The following NELL2 variants were observed in gnomAD, a reference collection of about 807,000 sequenced individuals.
NELL2 encodes protein kinase C-binding protein NELL2.
In NELL2, 41 loss-of-function variants were observed where a neutral mutation model predicts 109.6. That is an observed-to-expected ratio of 0.37 (90% CI 0.29 to 0.49). The LOEUF is 0.49. Among genes scored for constraint, NELL2 ranks in the 20% least tolerant of loss-of-function variants. The probability of loss-of-function intolerance (pLI) is 0.98; values close to 1 mark genes in which losing one functional copy is unlikely to be tolerated. For synonymous variants in NELL2, 355 were observed against 344.7 expected (o/e 1.03, Z -0.33); for missense variants, 900 against 1,008.3 (o/e 0.89, Z 1.45).
chr12:44,898,442 G>A lies in NELL2; in HGVS notation c.38+15357C>T, dbSNP rs1258169790. Among the ~76,000 whole-genome samples the A allele has an allele frequency of 2.0e-5, 3 of 152,218 alleles. No individual in the cohort carries two copies. The East Asian group carries it at 5.8e-4, about 29-fold the overall frequency. On this transcript the variant is annotated intron_variant, in intron 1 of 20. Transcript: ENST00000333837. ...CAAACTCTGCTGTTCTGCAGACTCT[G>A]CTGATGATACCCAGGCAAACAGGAT...
intron 3 of NELL2, among the ~76,000 whole-genome samples, chr12:44,799,407 T>A (rs1326811191): frequency 6.6e-6 from 1 of 152,046 alleles, no homozygotes; most frequent in Non-Finnish European, 1.5e-5. Context: ...CTGCCTCTAG[T>A]CCCTGCTGCA....
intron 13 of NELL2, among the ~76,000 whole-genome samples, chr12:44,628,007 C>G (rs1417029107): frequency 6.6e-6 from 1 of 152,036 alleles, no homozygotes; most frequent in Non-Finnish European, 1.5e-5. Flanking sequence ...TAGTTTGGCA[C>G]CGTCAGCAAA....
At chr12:44,839,262 A>G (rs1029914562) in intron 2 of NELL2, among the ~76,000 whole-genome samples, 3 of 152,212 alleles carry the variant, frequency 2.0e-5, no homozygotes, top group Non-Finnish European at 4.4e-5. Flanking sequence ...TATAAAGAAA[A>G]TTAAGGCATT....
In NELL2 at chr12:44,620,109, C is replaced by T. The variant is rs190501737; in HGVS notation, c.1445-9139G>A. ...CTTTAGGTATTTTGTTATTCTTGTT[C>T]GCCTGGGTTTTGTTTTTTTTTTTTT... On this transcript the variant is annotated intron_variant, in intron 13 of 19. Transcript: ENST00000429094. Among the ~76,000 whole-genome samples, 190 of 143,924 alleles carry T rather than the reference C, an allele frequency of 1.3e-3. 1 individual carries two copies. The highest frequency in any genetic ancestry group is 4.3e-3 in the African/African-American group (158 of 37,176). 94.4% of individuals were successfully genotyped at this position (143,924 alleles called of 152,430 possible).
chr12:44,597,023 G>A (rs1944992517), intron 15 of NELL2, among the ~76,000 whole-genome samples: 1 of 152,146 alleles, frequency 6.6e-6, no homozygotes, highest in South Asian at 2.1e-4. Flanking sequence ...CCAGAGTGTG[G>A]AAATCTTAAG....
chr12:44,799,623 T>G (rs1055236436), intron 3 of NELL2, among the ~76,000 whole-genome samples: 2 of 152,132 alleles, frequency 1.3e-5, no homozygotes, highest in African/African-American at 4.8e-5. Context: ...TTCCACAGAA[T>G]ACAGATCAGT....
intron 13 of NELL2, among the ~76,000 whole-genome samples, chr12:44,611,726 G>A (rs1337306649): frequency 6.6e-6 from 1 of 151,998 alleles, no homozygotes. Context: ...GTGACTCAAC[G>A]GTGGCTCAGA....
rs1374832282 is a variant in NELL2, at chr12:44,508,533, C to G, written c.*401G>C. The G allele has an allele frequency of 6.1e-6, 1 of 162,768 alleles. No homozygotes were observed. The highest frequency in any genetic ancestry group is 1.3e-5 in the Non-Finnish European group (1 of 74,974). The allele number at this position is 162,768 out of a possible 1,614,324, so 10.1% of individuals were successfully genotyped here. ...TTCTGAAAATATAATTCATTCACTGCCTGACATTTTATTTCTTGCAGTGAG... is the reference window on the plus strand; with the variant it reads ...TTCTGAAAATATAATTCATTCACTGGCTGACATTTTATTTCTTGCAGTGAG... On this transcript the variant is annotated 3_prime_UTR_variant, in exon 20 of 20. Transcript: ENST00000429094.
At chr12:44,513,021 C>A (rs1941070327) in intron 19 of NELL2, among the ~76,000 whole-genome samples, 2 of 151,966 alleles carry the variant, frequency 1.3e-5, no homozygotes, top group Admixed American at 1.3e-4. Context: ...ACCCTAATTA[C>A]CCTGATCATT....
intron 2 of NELL2, among the ~76,000 whole-genome samples, chr12:44,828,648 G>A (rs955242619): frequency 6.6e-6 from 1 of 151,942 alleles, no homozygotes; most frequent in East Asian, 1.9e-4. Flanking sequence ...ACCAACAACT[G>A]TAATGGTTGA....
intron 12 of NELL2, among the ~76,000 whole-genome samples, chr12:44,693,408 G>A (rs1434066718): frequency 1.3e-5 from 2 of 152,116 alleles, no homozygotes; most frequent in South Asian, 4.1e-4. Flanking sequence ...TGCAATATTA[G>A]CTTTATTGCA....
At chr12:44,536,864 A>G (rs1021303868) in intron 15 of NELL2, among the ~76,000 whole-genome samples, 1 of 151,978 alleles carries the variant, frequency 6.6e-6, no homozygotes, top group African/African-American at 2.4e-5. Context: ...AACAACAGTC[A>G]TGAATAGCAG....
At position 44,889,705 on chromosome 12, in the gene NELL2, T is replaced by C. The variant is rs559621301; in HGVS notation, c.39-13805A>G. On this transcript the variant is annotated intron_variant, in intron 1 of 20. Coordinates refer to the NELL2 transcript ENST00000333837. ...TCTTCAGCCTGTAAACTTAAATCCA[T>C]AAACAATAAATATAGCAGTCATTAA... Among the ~76,000 whole-genome samples the C allele has an allele frequency of 1.4e-4, 21 of 150,832 alleles. 2 individuals carry two copies. Among genetic ancestry groups the C allele is most frequent in the African/African-American group, 4.5e-4 (18 of 40,204 alleles).
At chr12:44,614,774 G>A (rs1945758858) in intron 13 of NELL2, among the ~76,000 whole-genome samples, 1 of 152,008 alleles carries the variant, frequency 6.6e-6, no homozygotes, top group Non-Finnish European at 1.5e-5. Context: ...GAATGAATGT[G>A]CTACCTAGAA....
chr12:44,855,367 C>G (rs1235543823), intron 2 of NELL2, among the ~76,000 whole-genome samples: 1 of 152,204 alleles, frequency 6.6e-6, no homozygotes, highest in Non-Finnish European at 1.5e-5. Flanking sequence ...AACCACTGAT[C>G]ATCAAGCTGA....
chr12:44,572,147 ATTTG>A (rs1331275316), intron 15 of NELL2, among the ~76,000 whole-genome samples: 1 of 151,764 alleles, frequency 6.6e-6, no homozygotes, highest in Non-Finnish European at 1.5e-5. Flanking sequence ...AATGTTATTT[ATTTG>A]TTTATTTTTA....
upstream of NELL2, chr12:44,913,978 C>T: frequency 2.9e-6 from 1 of 349,748 alleles, no homozygotes; most frequent in African/African-American, 2.2e-5. Flanking sequence ...ATCCCACATC[C>T]AATTGCTCAG....
intron 9 of NELL2, among the ~76,000 whole-genome samples, chr12:44,767,986 G>C (rs1263968324): frequency 1.3e-5 from 2 of 152,144 alleles, no homozygotes; most frequent in Non-Finnish European, 2.9e-5. Flanking sequence ...AAGAAAGAAT[G>C]GTAGAGTTAA....
intron 9 of NELL2, among the ~76,000 whole-genome samples, chr12:44,753,497 G>A (rs1197211553): frequency 1.3e-5 from 2 of 152,160 alleles, no homozygotes; most frequent in African/African-American, 4.8e-5. Flanking sequence ...ACGCAGCAAA[G>A]CAAAATATGG....
Sources: gnomAD v4.1 joint callset for allele counts (sites outside exome capture counted in the v4.1 genomes callset) on GRCh38, gnomAD v4.1.1 for gene constraint, MANE v1.5 for transcripts, NCBI Gene and HGNC (gene_info 2026-07-23, HGNC 2026-07-21) for gene names.